The following SUSD4 variants were observed in gnomAD, a reference collection of about 807,000 sequenced individuals.
SUSD4 encodes sushi domain containing 4.
A neutral mutation model predicts 50.5 loss-of-function variants in SUSD4; 41 were observed. The ratio of observed to expected loss-of-function variants is 0.81; its 90% CI spans 0.63 to 1.05. The LOEUF (loss-of-function observed/expected upper bound fraction) is 1.05, where lower values mean the gene tolerates loss of function less well. SUSD4 is among the 50% of genes least tolerant of loss of function. The pLI is 0.00. For missense variants in SUSD4, 580 were observed against 634.7 expected, an observed-to-expected ratio of 0.91 and a Z score of 0.93; for synonymous variants, 257 against 257.3, an observed-to-expected ratio of 1.00 and a Z score of 0.01.
At chr1:223,244,905 G>A (rs1269549629) in intron 5 of SUSD4, among the ~76,000 whole-genome samples, 1 of 152,166 alleles carries the variant, frequency 6.6e-6, no homozygotes, top group South Asian at 2.1e-4. Context: ...ACAGAAGAGA[G>A]ACTAACAGCA....
chr1:223,278,085 A>C (rs1663408354), intron 3 of SUSD4, among the ~76,000 whole-genome samples: 1 of 152,124 alleles, frequency 6.6e-6, no homozygotes, highest in Admixed American at 6.6e-5. Flanking sequence ...ACCAGTCCCG[A>C]GTTCCAAGAT....
Position 223,248,504 on chromosome 1 carries a change from C to T in SUSD4, c.724+16126G>A, listed in dbSNP as rs80153778. On this transcript the variant is annotated intron_variant, in intron 5 of 8. Coordinates refer to ENST00000366878, the MANE Select transcript of SUSD4 (RefSeq NM_017982.4). ...TCTGTACCAAAGTCCTGGCCATCTC[C>T]ATGACTACGTCTGAAACTTTGCTTT... is the stretch of plus-strand genomic sequence containing the variant. 5.8e-3 allele frequency among the ~76,000 whole-genome samples: 882 copies of T among 152,344 alleles called. 10 individuals carry two copies. Among genetic ancestry groups the T allele is most frequent in the African/African-American group, 0.02 (836 of 41,574 alleles).
chr1:223,220,874 A>G lies in SUSD4; in HGVS notation c.*1318T>C. The G allele has an allele frequency of 2.5e-6, 1 of 398,012 alleles. No homozygotes were observed. Among genetic ancestry groups the G allele is most frequent in the Non-Finnish European group, 4.4e-6 (1 of 225,260 alleles). 24.7% of individuals were successfully genotyped at this position (398,012 alleles called of 1,614,324 possible). A position where few individuals can be genotyped will look rare whatever the true frequency, so the allele number is the denominator to read the frequency against. On this transcript the variant is annotated 3_prime_UTR_variant, in exon 9 of 9. Transcript: ENST00000366878. ...TCAGTCTGTGTCAAGAAGAAACAGG[A>G]CTTGATCAAGCTTCCAGCCCTCACC...
intron 2 of SUSD4, among the ~76,000 whole-genome samples, chr1:223,330,523 C>G (rs1190401218): frequency 6.6e-6 from 1 of 152,142 alleles, no homozygotes; most frequent in Non-Finnish European, 1.5e-5. Context: ...AAAATAAAGT[C>G]CACACAAAGA....
intron 6 of SUSD4, among the ~76,000 whole-genome samples, chr1:223,228,753 A>C (rs1659692885): frequency 6.6e-6 from 1 of 152,042 alleles, no homozygotes; most frequent in Admixed American, 6.5e-5. Flanking sequence ...GGTCCAGGGC[A>C]ATGCATCTAA....
rs1039906252 is a variant in SUSD4, at chr1:223,332,342, T to C, written c.148+30936A>G. ...CATCATAGTGTATGTATAAATGGCA[T>C]ATCTATATTCAGACACGGTACCTGA... On this transcript the variant is annotated intron_variant, in intron 2 of 8. Coordinates refer to ENST00000366878, the MANE Select transcript of SUSD4 (RefSeq NM_017982.4). This position sits in a 1 kb window ranked among gnomAD's most constrained non-coding sequence, Gnocchi z 4.0. 6.6e-6 allele frequency among the ~76,000 whole-genome samples: 1 copy of C among 152,210 alleles called. No homozygotes were observed. Among genetic ancestry groups the C allele is most frequent in the African/African-American group, 2.4e-5 (1 of 41,446 alleles).
At chr1:223,257,187 A>G (rs1474309699) in intron 5 of SUSD4, among the ~76,000 whole-genome samples, 1 of 152,080 alleles carries the variant, frequency 6.6e-6, no homozygotes, top group African/African-American at 2.4e-5. Flanking sequence ...GAAATTTGAA[A>G]TATTATTTGT....
chr1:223,280,558 G>C (rs1250259038), intron 3 of SUSD4, among the ~76,000 whole-genome samples: 1 of 151,790 alleles, frequency 6.6e-6, no homozygotes. Flanking sequence ...ATACATGCAC[G>C]CAATACAGGA....
chr1:223,318,182 T>C (rs1235964772), intron 2 of SUSD4, among the ~76,000 whole-genome samples: 4 of 30,492 alleles, frequency 1.3e-4, no homozygotes, highest in African/African-American at 5.0e-4. Context: ...ACAAAGGACA[T>C]GAACTCATCA....
At chr1:223,348,365 T>G (rs1264646089) in intron 2 of SUSD4, among the ~76,000 whole-genome samples, 1 of 152,234 alleles carries the variant, frequency 6.6e-6, no homozygotes, top group African/African-American at 2.4e-5. Context: ...CTTTTGAATC[T>G]TACCTATCAT....
At chr1:223,234,525 T>A (rs1310991454) in intron 5 of SUSD4, among the ~76,000 whole-genome samples, 1 of 152,244 alleles carries the variant, frequency 6.6e-6, no homozygotes, top group Non-Finnish European at 1.5e-5. Flanking sequence ...GATAAACATT[T>A]GCTATTTGAG....
chr1:223,224,825 G>A (rs1224747903), intron 7 of SUSD4, among the ~76,000 whole-genome samples: 1 of 151,420 alleles, frequency 6.6e-6, no homozygotes, highest in Non-Finnish European at 1.5e-5. Context: ...AGGAACCCAG[G>A]GTGGCTAATA....
At chr1:223,279,777 A>T (rs1464648115) in intron 3 of SUSD4, among the ~76,000 whole-genome samples, 3 of 151,692 alleles carry the variant, frequency 2.0e-5, no homozygotes, top group African/African-American at 7.3e-5. Flanking sequence ...ACTCCAAGAC[A>T]CATAATTGTC....
intron 2 of SUSD4, among the ~76,000 whole-genome samples, chr1:223,318,510 C>G (rs1666361839): frequency 8.4e-6 from 1 of 119,650 alleles, no homozygotes. Context: ...CACATCCTCT[C>G]CAGCACCTGT....
At chr1:223,319,528 TAATAACCTGCTCAC>T (rs1024832901) in intron 2 of SUSD4, among the ~76,000 whole-genome samples, 4 of 152,192 alleles carry the variant, frequency 2.6e-5, no homozygotes, top group African/African-American at 9.7e-5. Flanking sequence ...CAGGCTGGGT[TAATAACCTGCTCAC>T]AATACACCCC....
intron 2 of SUSD4, among the ~76,000 whole-genome samples, chr1:223,293,567 C>G (rs1664633518): frequency 6.6e-6 from 1 of 152,136 alleles, no homozygotes; most frequent in Non-Finnish European, 1.5e-5. Flanking sequence ...AGCCCAGAAG[C>G]CCAGGCAGGA....
Position 223,238,031 on chromosome 1 carries a change from T to G in SUSD4, c.725-8643A>C, listed in dbSNP as rs117749142. 5.1e-3 allele frequency among the ~76,000 whole-genome samples: 771 copies of G among 152,126 alleles called. 28 individuals carry two copies. In the East Asian group the frequency reaches 0.11, roughly 22 times the overall value. ...ATTGATTCAAATTTTAAAATAGATA[T>G]AGGCCTATTCAGATGGTCTATTTCT... On this transcript the variant is annotated intron_variant, in intron 5 of 8. Coordinates refer to ENST00000366878, the MANE Select transcript of SUSD4 (RefSeq NM_017982.4).
chr1:223,283,558 G>A (rs1663911299), intron 3 of SUSD4, among the ~76,000 whole-genome samples: 1 of 152,260 alleles, frequency 6.6e-6, no homozygotes, highest in Non-Finnish European at 1.5e-5. Flanking sequence ...TTGGAATGGT[G>A]ATCATTAAAA....
At chr1:223,348,085 C>T (rs888614410) in intron 2 of SUSD4, among the ~76,000 whole-genome samples, 68 of 151,780 alleles carry the variant, frequency 4.5e-4, no homozygotes, top group African/African-American at 1.5e-3. Flanking sequence ...ACATTCATTA[C>T]GCTTCTAATA....
Sources: gnomAD v4.1 joint callset for allele counts (sites outside exome capture counted in the v4.1 genomes callset) on GRCh38, gnomAD v4.1.1 for gene constraint, Gnocchi (gnomAD v3.1) non-coding constraint, MANE v1.5 for transcripts, NCBI Gene and HGNC (gene_info 2026-07-23, HGNC 2026-07-21) for gene names.